Variants in ANKRD55 observed in about 807,000 individuals in gnomAD.
ANKRD55 encodes the protein ankyrin repeat domain-containing protein 55.
Under a neutral mutation model 60.6 loss-of-function variants are expected in ANKRD55, and 41 were observed. The observed-to-expected ratio is 0.68, with a 90% CI of 0.53 to 0.88. The LOEUF (loss-of-function observed/expected upper bound fraction) is 0.88, where lower values mean the gene tolerates loss of function less well. Ranked by LOEUF, ANKRD55 falls within the 40% of genes least tolerant of loss-of-function variation. The probability of loss-of-function intolerance (pLI) is 0.00; values close to 1 mark genes in which losing one functional copy is unlikely to be tolerated. For missense variants in ANKRD55, 732 were observed against 767.6 expected, an observed-to-expected ratio of 0.95 and a Z score of 0.55; for synonymous variants, 264 against 290.3, an observed-to-expected ratio of 0.91 and a Z score of 0.92.
rs759875553 is a variant in ANKRD55 at position 56,166,201 on chromosome 5, C to CCTTCCTTCCTTCCTTCCTTCCT, written c.422+4492_422+4493insAGGAAGGAAGGAAGGAAGGAAG. Among the ~76,000 whole-genome samples the CCTTCCTTCCTTCCTTCCTTCCT allele has an allele frequency of 3.0e-4, 35 of 117,500 alleles. 4 individuals are homozygous for CCTTCCTTCCTTCCTTCCTTCCT. Among genetic ancestry groups the CCTTCCTTCCTTCCTTCCTTCCT allele is most frequent in the African/African-American group, 9.3e-4 (25 of 26,966 alleles). 77.1% of individuals were successfully genotyped at this position (117,500 alleles called of 152,430 possible). A position where few individuals can be genotyped will look rare whatever the true frequency, so the allele number is the denominator to read the frequency against. On this transcript the variant is annotated intron_variant, in intron 5 of 11. Transcript: ENST00000341048. ...TCCTTCCTTCCTTCCTTCCTTCCTT[C>CCTTCCTTCCTTCCTTCCTTCCT]TCTCTCTCTCTCTCTCTTTCTTTCT... is the stretch of plus-strand genomic sequence containing the variant.
At chr5:56,147,615 G>T in intron 6 of ANKRD55, among the ~76,000 whole-genome samples, 1 of 152,066 alleles carries the variant, frequency 6.6e-6, no homozygotes, top group East Asian at 1.9e-4. Flanking sequence ...CCTCTGAATG[G>T]CTCCAAATCA....
chr5:56,232,767 C>T (rs1287109082), intron 2 of ANKRD55, 89 bp downstream of exon 2: 1 of 1,330,246 alleles, frequency 7.5e-7, no homozygotes, highest in Non-Finnish European at 1.1e-6. Flanking sequence ...CACACACACA[C>T]ACTTCTCTTT....
At chr5:56,124,429 A>G (rs1198121576) in intron 8 of ANKRD55, among the ~76,000 whole-genome samples, 1 of 152,216 alleles carries the variant, frequency 6.6e-6, no homozygotes, top group African/African-American at 2.4e-5. Context: ...GAAGAAGGAA[A>G]GGGAAATCAC....
chr5:56,112,503 G>GCA (rs1756744546), intron 9 of ANKRD55, among the ~76,000 whole-genome samples: 1 of 4,266 alleles, frequency 2.3e-4, no homozygotes, highest in Non-Finnish European at 5.9e-4. Flanking sequence ...CTCATCTCTA[G>GCA]CAAAAAAAAA....
At position 56,176,226 on chromosome 5, in the gene ANKRD55, G is replaced by A. The variant is rs767978611; in HGVS notation, c.238C>T (p.Leu80=). Residue 80 remains leucine (L), a synonymous_variant, in exon 4 of 12, where the codon CTG becomes TTG. Transcript: ENST00000341048. ...SGRQADTVKL[L]LKMGANINMQ... Reference sequence around the variant, plus strand: ...TTAATATTGGCTCCCATCTTCAACAGCAGCTTCACTGTGTCCGCTTGACGT... The same window carrying A: ...TTAATATTGGCTCCCATCTTCAACAACAGCTTCACTGTGTCCGCTTGACGT... The A allele has an allele frequency of 7.4e-6, 12 of 1,614,218 alleles. No individual in the cohort carries two copies. The South Asian group carries it at 9.9e-5, about 13-fold the overall frequency.
chr5:56,173,919 G>A (rs147293994), intron 4 of ANKRD55, among the ~76,000 whole-genome samples: 69 of 152,146 alleles, frequency 4.5e-4, no homozygotes, highest in African/African-American at 1.6e-3. Flanking sequence ...TCAGAGTTGT[G>A]GCTGAGACTT....
chr5:56,206,719 A>G (rs1470043813), intron 2 of ANKRD55, among the ~76,000 whole-genome samples: 1 of 152,236 alleles, frequency 6.6e-6, no homozygotes, highest in Non-Finnish European at 1.5e-5. Context: ...AGCATGGCTG[A>G]AAATGGGTGG....
intron 6 of ANKRD55, among the ~76,000 whole-genome samples, chr5:56,145,951 T>C (rs1757884728): frequency 6.6e-6 from 1 of 152,258 alleles, no homozygotes; most frequent in Non-Finnish European, 1.5e-5. Context: ...TACATTCTAA[T>C]TGGTCCTCTT....
At chr5:56,133,111 A>T (rs935935841) in intron 7 of ANKRD55, among the ~76,000 whole-genome samples, 1 of 152,218 alleles carries the variant, frequency 6.6e-6, no homozygotes, top group African/African-American at 2.4e-5. Context: ...AGATCCAGAA[A>T]GCAGAAAATC....
At chr5:56,120,535 G>C (rs2111701353) in intron 8 of ANKRD55, among the ~76,000 whole-genome samples, 1 of 152,302 alleles carries the variant, frequency 6.6e-6, no homozygotes, top group African/African-American at 2.4e-5. Context: ...AGAGCAAAGG[G>C]AAAATACTTA....
At chr5:56,219,250 G>A (rs1759900174) in intron 2 of ANKRD55, among the ~76,000 whole-genome samples, 2 of 142,584 alleles carry the variant, frequency 1.4e-5, no homozygotes, top group Admixed American at 1.4e-4. Flanking sequence ...TCCAGCCTGG[G>A]GGATAGAGCA....
chr5:56,155,772 G>A (rs1191027938), intron 6 of ANKRD55, among the ~76,000 whole-genome samples: 1 of 151,154 alleles, frequency 6.6e-6, no homozygotes, highest in Non-Finnish European at 1.5e-5. Flanking sequence ...CTGAGCCCAG[G>A]ATGCGGAGGT....
intron 2 of ANKRD55, among the ~76,000 whole-genome samples, chr5:56,194,488 T>C (rs1759186186): frequency 1.3e-5 from 2 of 152,170 alleles, no homozygotes; most frequent in Non-Finnish European, 2.9e-5. Context: ...ATTGGCAGTA[T>C]TTCTTCCAGA....
At chr5:56,115,207 A>ATAT (rs1756849856) in intron 9 of ANKRD55, among the ~76,000 whole-genome samples, 1 of 72,834 alleles carries the variant, frequency 1.4e-5, no homozygotes, top group Non-Finnish European at 3.1e-5. Flanking sequence ...TCTAAAAATA[A>ATAT]TAATAATAAT....
chr5:56,142,184 T>C (rs1757788172), intron 7 of ANKRD55, among the ~76,000 whole-genome samples: 1 of 151,968 alleles, frequency 6.6e-6, no homozygotes, highest in Admixed American at 6.6e-5. Context: ...AAAAATTAGC[T>C]GGGCATGGTG....
In ANKRD55 at chr5:56,159,890, G is replaced by A; in HGVS notation, c.426C>T (p.Leu142=). Residue 142 remains leucine, a synonymous_variant, in exon 6 of 12, where the codon CTC becomes CTT. Coordinates refer to ENST00000341048, the MANE Select transcript of ANKRD55 (RefSeq NM_024669.3). ...TCGACTGTTGCAACAGGACCGTGAG[G>A]AGCCTGTAAGGAAAAAATAGGAGAA... ...HAATAEPDMR[L]LTVLLQQSNI... is the part of the protein sequence containing the mutation. 2.5e-6 allele frequency: 4 copies of A among 1,613,458 alleles called. No homozygotes were observed. Among genetic ancestry groups the A allele is most frequent in the East Asian group, 2.2e-5 (1 of 44,886 alleles).
chr5:56,130,345 T>C (rs1012962873), intron 7 of ANKRD55, among the ~76,000 whole-genome samples: 1 of 152,136 alleles, frequency 6.6e-6, no homozygotes, highest in Non-Finnish European at 1.5e-5. Context: ...GCTTTCCACA[T>C]GGGAGCAGAA....
intron 4 of ANKRD55, among the ~76,000 whole-genome samples, chr5:56,175,672 G>C (rs1758720489): frequency 6.6e-6 from 1 of 151,954 alleles, no homozygotes; most frequent in Non-Finnish European, 1.5e-5. Flanking sequence ...AGCCTGCTTT[G>C]TCTCCCCTGT....
In ANKRD55 at chr5:56,192,820, C is replaced by A. The variant is rs1462870715; in HGVS notation, c.59-9186G>T. 7.6e-6 allele frequency: 6 copies of A among 791,600 alleles called. No individual in the cohort carries two copies. The East Asian group carries it at 1.4e-4, about 19-fold the overall frequency. 49.0% of individuals were successfully genotyped at this position (791,600 alleles called of 1,614,324 possible). ...TCTATTAGCAAGTTAAAATTCTTTG[C>A]TGGGTTATGACAGGCTCTCAAAACC... is the stretch of plus-strand genomic sequence containing the variant. On this transcript the variant is annotated intron_variant, in intron 2 of 11. Transcript: ENST00000341048.
Sources: allele counts gnomAD v4.1 joint callset (sites outside exome capture counted in the v4.1 genomes callset), GRCh38; gene constraint gnomAD v4.1.1; transcripts MANE v1.5; gene names NCBI Gene and HGNC (gene_info 2026-07-23, HGNC 2026-07-21).